LOXL3: variants seen among roughly 807,000 people sequenced by gnomAD.
The protein encoded by LOXL3 is lysyl oxidase homolog 3.
LOXL3 carries 60 observed loss-of-function variants against 91.8 expected under a neutral mutation model. The observed-to-expected ratio is 0.65, with a 90% CI of 0.53 to 0.81. The LOEUF is 0.81. Among genes scored for constraint, LOXL3 ranks in the 30% least tolerant of loss-of-function variants. The pLI, the probability that LOXL3 is intolerant of heterozygous loss-of-function variation, is 0.00. For synonymous variants in LOXL3, 355 were observed against 387.6 expected, an observed-to-expected ratio of 0.92 and a Z score of 0.99; for missense variants, 874 against 1,000.4, an observed-to-expected ratio of 0.87 and a Z score of 1.70.
chr2:74,555,655 C>A (rs770029479), upstream of LOXL3: 4 of 1,614,042 alleles, frequency 2.5e-6, no homozygotes, highest in Admixed American at 1.7e-5. This position sits in a 1 kb window ranked among gnomAD's most constrained non-coding sequence, Gnocchi z 6.1. Flanking sequence ...CCTTGTACAG[C>A]CCTACCTGGG....
intron 4 of LOXL3, among the ~76,000 whole-genome samples, chr2:74,548,168 T>A (rs935203186): frequency 6.6e-6 from 1 of 152,236 alleles, no homozygotes; most frequent in Non-Finnish European, 1.5e-5. Context: ...AAAGCTGCCA[T>A]GTCTGTTCAG....
rs1250970750 is a variant in LOXL3, at chr2:74,549,392, C to T, written c.669G>A (p.Lys223=). Residue 223 remains lysine, a synonymous_variant, in exon 4 of 14, where the codon AAG becomes AAA. Transcript: ENST00000264094. The surrounding 1 kb of genome is among the most constrained non-coding windows in gnomAD (Gnocchi z 5.3). The stretch of plus-strand genomic sequence containing the variant: ...ACCTGTAGAAGGCCGCGTTGACCCT[C>T]TTTTCGCTGGGGAAGCCCAGCATCC... The part of the protein sequence containing the change: ...VCGMLGFPSE[K]RVNAAFYRLL... 6.2e-7 allele frequency: 1 copy of T among 1,609,910 alleles called. No individual in the cohort carries two copies. The highest frequency in any genetic ancestry group is 2.2e-5 in the East Asian group (1 of 44,664).
Position 74,552,522 on chromosome 2 carries a change from C to T in LOXL3, c.113G>A (p.Gly38Glu). Reference protein sequence around the residue: ...SPSTGPEKKAGSQGLRFRLAG... With the variant: ...SPSTGPEKKAESQGLRFRLAG... ...CAGCCGGAACCGAAGCCCCTGGCTC[C>T]CGGCCTTCTTCTCAGGGCCCGTGGA... Residue 38 changes from glycine (G) to glutamate (E), a missense_variant, in exon 2 of 14, where the codon GGG becomes GAG. Coordinates refer to ENST00000264094, the MANE Select transcript of LOXL3 (RefSeq NM_032603.5). The T allele has an allele frequency of 1.2e-6, 2 of 1,613,430 alleles. No homozygotes were observed. Among genetic ancestry groups the T allele is most frequent in the Non-Finnish European group, 1.7e-6 (2 of 1,179,900 alleles).
chr2:74,543,941 A>G (rs1477701893), intron 4 of LOXL3, among the ~76,000 whole-genome samples: 1 of 151,672 alleles, frequency 6.6e-6, no homozygotes, highest in Non-Finnish European at 1.5e-5. Flanking sequence ...AAAGAAAAAA[A>G]AGAAATAGAT....
chr2:74,553,471 C>G (rs1677161554), intron 1 of LOXL3, among the ~76,000 whole-genome samples: 1 of 152,182 alleles, frequency 6.6e-6, no homozygotes. Flanking sequence ...TCCCTGTCAC[C>G]GGGCAACGGG....
At chr2:74,555,368 A>G (rs761756530), upstream of LOXL3, 1 of 1,613,526 alleles carries the variant, frequency 6.2e-7, no homozygotes, top group Non-Finnish European at 8.5e-7. The surrounding 1 kb of genome is among the most constrained non-coding windows in gnomAD (Gnocchi z 6.1). Context: ...TTCCGCCTGG[A>G]CACTGCTCAG....
chr2:74,554,812 A>C, upstream of LOXL3: 2 of 1,613,936 alleles, frequency 1.2e-6, no homozygotes, highest in South Asian at 2.2e-5. This position sits in a 1 kb window ranked among gnomAD's most constrained non-coding sequence, Gnocchi z 4.9. Flanking sequence ...CTTTGGGACC[A>C]AGGTAGTCTG....
In LOXL3 at chr2:74,536,757, C is replaced by A. The variant is rs765343566; in HGVS notation, c.864G>T (p.Ala288=). The change falls in exon 5 of 14, where the codon GCG becomes GCT. Residue 288 remains alanine (A), a synonymous_variant. Coordinates refer to ENST00000264094, the MANE Select transcript of LOXL3 (RefSeq NM_032603.5). The surrounding 1 kb of genome is among the most constrained non-coding windows in gnomAD (Gnocchi z 4.5). ...VVSCVPGPVY[A]ASSGQKKQQQ... ...GTTGCTTCTTCTGGCCACTGGATGC[C>A]GCGTAGACAGGGCCTGGCACACAGC... The A allele has an allele frequency of 6.2e-7, 1 of 1,614,206 alleles. No homozygotes were observed. Among genetic ancestry groups the A allele is most frequent in the Non-Finnish European group, 8.5e-7 (1 of 1,180,022 alleles).
Position 74,549,385 on chromosome 2 carries a change from T to C in LOXL3, c.676A>G (p.Asn226Asp), listed in dbSNP as rs1447301456. ...GCCCCTCACCTGTAGAAGGCCGCGT[T>C]GACCCTCTTTTCGCTGGGGAAGCCC... ...MLGFPSEKRV[N>D]AAFYRLLAQR... is the part of the protein sequence containing the mutation. The change falls in exon 4 of 14, where the codon AAC (asparagine) becomes GAC (aspartate). Residue 226 changes from asparagine to aspartate, a missense_variant. By Grantham distance (23) the Asn-to-Asp change is conservative. Transcript: ENST00000264094. This position sits in a 1 kb window ranked among gnomAD's most constrained non-coding sequence, Gnocchi z 5.3. 1 of 1,608,388 alleles carries C rather than the reference T, an allele frequency of 6.2e-7. No individual in the cohort carries two copies. Among genetic ancestry groups the C allele is most frequent in the South Asian group, 1.1e-5 (1 of 90,178 alleles).
chr2:74,554,979 C>A, upstream of LOXL3: 1 of 1,404,488 alleles, frequency 7.1e-7, no homozygotes, highest in South Asian at 1.2e-5. The surrounding 1 kb of genome is among the most constrained non-coding windows in gnomAD (Gnocchi z 4.9). Flanking sequence ...CGTCTGTAGT[C>A]TAGGGGTTCT....
Position 74,535,230 on chromosome 2 carries a change from C to A in LOXL3, c.1579+62G>T. On this transcript the variant is annotated intron_variant, in intron 9 of 13. Transcript: ENST00000264094. This position sits in a 1 kb window ranked among gnomAD's most constrained non-coding sequence, Gnocchi z 4.2. ...CCCCTCCAGATTACAGCCCCCTTTCCCTGCAAACGGGTGGCCCAGACACTC... is the reference window on the plus strand; with the variant it reads ...CCCCTCCAGATTACAGCCCCCTTTCACTGCAAACGGGTGGCCCAGACACTC... The A allele has an allele frequency of 6.5e-7, 1 of 1,543,826 alleles. No individual in the cohort carries two copies. Among genetic ancestry groups the A allele is most frequent in the Non-Finnish European group, 8.7e-7 (1 of 1,143,116 alleles).
intron 4 of LOXL3, among the ~76,000 whole-genome samples, chr2:74,540,158 T>C (rs543250123): frequency 6.6e-6 from 1 of 152,306 alleles, no homozygotes; most frequent in South Asian, 2.1e-4. Flanking sequence ...AGACCCAAGC[T>C]TTCATAGCTG....
rs775035240 is a variant in LOXL3, at chr2:74,549,632, T to G, written c.478-49A>C. On this transcript the variant is annotated intron_variant, in intron 3 of 13. Coordinates refer to ENST00000264094, the MANE Select transcript of LOXL3 (RefSeq NM_032603.5). This position sits in a 1 kb window ranked among gnomAD's most constrained non-coding sequence, Gnocchi z 5.3. ...GAAAGAATCCCAGTGGCACCTTTCA[T>G]GTGTCCCGCCGCCCTTAAGGAACCC... The G allele has an allele frequency of 6.4e-7, 1 of 1,559,214 alleles. No individual in the cohort carries two copies. Among genetic ancestry groups the G allele is most frequent in the Non-Finnish European group, 8.7e-7 (1 of 1,145,732 alleles).
chr2:74,549,544 G>A lies in LOXL3; in HGVS notation c.517C>T (p.Pro173Ser). 1 of 1,612,104 alleles carries A rather than the reference G, an allele frequency of 6.2e-7. No individual in the cohort carries two copies. The highest frequency in any genetic ancestry group is 8.5e-7 in the Non-Finnish European group (1 of 1,178,694). Residue 173 changes from proline to serine, a missense_variant, in exon 4 of 14, where the codon CCC becomes TCC. Pro to Ser is a moderately conservative substitution (Grantham distance 74). Transcript: ENST00000264094. This position sits in a 1 kb window ranked among gnomAD's most constrained non-coding sequence, Gnocchi z 5.3. The part of the protein sequence containing the change: ...HLQVEEVRIR[P>S]AVGWGRRPLP... ...GGTCGTCTGCCCCACCCAACGGCGGGTCGAATTCGCACCTCCTCCACTTGC... is the reference window on the plus strand; with the variant it reads ...GGTCGTCTGCCCCACCCAACGGCGGATCGAATTCGCACCTCCTCCACTTGC...
chr2:74,545,780 T>C (rs1052466144), intron 4 of LOXL3, among the ~76,000 whole-genome samples: 5 of 152,210 alleles, frequency 3.3e-5, no homozygotes, highest in African/African-American at 1.2e-4. Flanking sequence ...TCCCCAAGGT[T>C]CAGTCTCTGG....
chr2:74,534,389 G>A lies in LOXL3; in HGVS notation c.1866C>T (p.Leu622=), dbSNP rs766032709. Residue 622 remains leucine, a synonymous_variant, in exon 11 of 14, where the codon CTC becomes CTT. Transcript: ENST00000264094. ...SMDIFTHYDI[L]TPNGTKVAEG... is the part of the protein sequence containing the mutation. ...CAGCCACCTTGGTGCCATTTGGGGT[G>A]AGGATATCATAGTGAGTGAAGATGT... 4 of 1,614,138 alleles carry A rather than the reference G, an allele frequency of 2.5e-6. No individual in the cohort carries two copies. Among genetic ancestry groups the A allele is most frequent in the Non-Finnish European group, 3.4e-6 (4 of 1,180,048 alleles).
chr2:74,555,601 C>A (rs1573040232), upstream of LOXL3: 2 of 1,614,194 alleles, frequency 1.2e-6, no homozygotes, highest in Non-Finnish European at 1.7e-6. The surrounding 1 kb of genome is among the most constrained non-coding windows in gnomAD (Gnocchi z 6.1). Flanking sequence ...TGGCGCCTAC[C>A]GATAACCCAC....
chr2:74,551,363 C>A (rs999429534), intron 2 of LOXL3, among the ~76,000 whole-genome samples: 1 of 152,232 alleles, frequency 6.6e-6, no homozygotes, highest in African/African-American at 2.4e-5. Context: ...TGCGGAGACA[C>A]CTAGCTCCTG....
rs1201551640 is a variant in LOXL3, at chr2:74,552,841, G to A, written c.-12-195C>T. 4 of 566,776 alleles carry A rather than the reference G, an allele frequency of 7.1e-6. No homozygotes were observed. In the African/African-American group the frequency reaches 7.5e-5, roughly 11 times the overall value. 35.1% of individuals were successfully genotyped at this position (566,776 alleles called of 1,614,324 possible). On this transcript the variant is annotated intron_variant, in intron 1 of 13. Transcript: ENST00000264094. ...ACATTAAATAAGGGCTGAGGCACAG[G>A]TCATAGAGGCACAGCCTGAGAGACC...
Sources: allele counts gnomAD v4.1 joint callset (sites outside exome capture counted in the v4.1 genomes callset), GRCh38; gene constraint gnomAD v4.1.1; non-coding constraint Gnocchi (gnomAD v3.1); transcripts MANE v1.5; gene names NCBI Gene and HGNC (gene_info 2026-07-23, HGNC 2026-07-21).